EFR3B: variants seen among roughly 807,000 people sequenced by gnomAD.
EFR3B encodes the protein protein EFR3 homolog B.
EFR3B carries 64 observed loss-of-function variants against 104.7 expected under a neutral mutation model. The observed-to-expected ratio is 0.61, with a 90% confidence interval of 0.50 to 0.75. The LOEUF (loss-of-function observed/expected upper bound fraction) is 0.75. EFR3B is among the 30% of genes least tolerant of loss of function. The pLI is 0.00. For missense variants in EFR3B, 750 were observed against 1,078.5 expected (o/e 0.70, Z 4.27); for synonymous variants, 385 against 417.9 (o/e 0.92, Z 0.96).
intron 1 of EFR3B, among the ~76,000 whole-genome samples, chr2:25,078,341 A>G (rs1000718951): frequency 6.6e-6 from 1 of 152,178 alleles, no homozygotes; most frequent in African/African-American, 2.4e-5. Flanking sequence ...TTTATTGTAA[A>G]TTGTTTAAAA....
intron 6 of EFR3B, 68 bp downstream of exon 6, chr2:25,128,400 A>G (rs182460150): frequency 3.3e-5 from 51 of 1,539,356 alleles, no homozygotes; most frequent in East Asian, 2.2e-4. Flanking sequence ...TGGGAACCAC[A>G]TGGTTTGGGT....
chr2:25,086,568 C>G (rs1026947463), intron 1 of EFR3B, among the ~76,000 whole-genome samples: 1 of 152,108 alleles, frequency 6.6e-6, no homozygotes, highest in South Asian at 2.1e-4. Context: ...TCCTTTGCTG[C>G]GATGTCTATT....
At chr2:25,091,445 G>T (rs372767103) in intron 2 of EFR3B, 44 bp downstream of exon 2, 2 of 1,514,904 alleles carry the variant, frequency 1.3e-6, no homozygotes, top group Non-Finnish European at 1.8e-6. Flanking sequence ...CATGGTCCAG[G>T]CAGGGCCTCT....
At chr2:25,053,404 A>G (rs767549470) in intron 1 of EFR3B, among the ~76,000 whole-genome samples, 13 of 152,208 alleles carry the variant, frequency 8.5e-5, no homozygotes, top group Non-Finnish European at 1.5e-4. Context: ...TGGCCTGGAA[A>G]GAAAGCATGG....
At position 25,130,640 on chromosome 2, in the gene EFR3B, C is replaced by T. The variant is rs550430974; in HGVS notation, c.849+10C>T. 369 of 1,550,766 alleles carry T rather than the reference C, an allele frequency of 2.4e-4. No homozygotes were observed. Among genetic ancestry groups the T allele is most frequent in the Admixed American group, 1.1e-3 (58 of 50,992 alleles). ...CATGTACTCAATTCAGGTATGGTGG[C>T]TCCCCTGGGCCAGCCGGATCCCAGG... is the stretch of plus-strand genomic sequence containing the variant. On this transcript the variant is annotated intron_variant, in intron 8 of 22. Transcript: ENST00000403714. This position sits in a 1 kb window ranked among gnomAD's most constrained non-coding sequence, Gnocchi z 4.6.
chr2:25,106,184 A>G (rs922489284), intron 4 of EFR3B, among the ~76,000 whole-genome samples: 14 of 152,260 alleles, frequency 9.2e-5, no homozygotes, highest in Non-Finnish European at 1.8e-4. Context: ...GGAGTTCCAA[A>G]CAGGTCTTCA....
At chr2:25,044,224 A>G (rs1667654979) in intron 1 of EFR3B, among the ~76,000 whole-genome samples, 1 of 152,248 alleles carries the variant, frequency 6.6e-6, no homozygotes, top group African/African-American at 2.4e-5. Flanking sequence ...AGCAAAGGAA[A>G]GTCACACCAA....
At position 25,126,205 on chromosome 2, in the gene EFR3B, G is replaced by C. The variant is rs974084805; in HGVS notation, c.486-1978G>C. Among the ~76,000 whole-genome samples the C allele has an allele frequency of 3.9e-4, 59 of 152,114 alleles. 1 individual carries two copies. Among genetic ancestry groups the C allele is most frequent in the Non-Finnish European group, 1.5e-4 (10 of 68,022 alleles). ...CTTTCATTTCCTTTTTTGAGACAGA[G>C]TTTCACTCTTTCATCCGGGCTGGAG... On this transcript the variant is annotated intron_variant, in intron 5 of 22. Coordinates refer to ENST00000403714, the MANE Select transcript of EFR3B (RefSeq NM_014971.2).
chr2:25,103,985 T>C (rs576113963), intron 4 of EFR3B, among the ~76,000 whole-genome samples, 198 bp downstream of exon 4: 25 of 151,234 alleles, frequency 1.7e-4, no homozygotes, highest in Non-Finnish European at 3.1e-4. Context: ...AACAAATATA[T>C]AATTTATATA....
intron 1 of EFR3B, among the ~76,000 whole-genome samples, chr2:25,079,395 A>G (rs1668726360): frequency 6.6e-6 from 1 of 152,184 alleles, no homozygotes; most frequent in South Asian, 2.1e-4. Flanking sequence ...GTTTCATGGC[A>G]GAGAAGAACA....
At chr2:25,092,030 T>C (rs1669139990) in intron 2 of EFR3B, among the ~76,000 whole-genome samples, 1 of 151,862 alleles carries the variant, frequency 6.6e-6, no homozygotes, top group Non-Finnish European at 1.5e-5. Context: ...CTTCGTCCTG[T>C]GTGTGTCTTG....
chr2:25,123,239 A>G (rs1670069768), intron 5 of EFR3B, among the ~76,000 whole-genome samples: 1 of 151,880 alleles, frequency 6.6e-6, no homozygotes, highest in Non-Finnish European at 1.5e-5. Flanking sequence ...ACGTGCCTGT[A>G]TTCTCAGCTA....
chr2:25,080,440 G>A (rs1010425726), intron 1 of EFR3B, among the ~76,000 whole-genome samples: 5 of 151,690 alleles, frequency 3.3e-5, no homozygotes, highest in African/African-American at 1.2e-4. Flanking sequence ...GATTACAGGT[G>A]TCCGCCATCA....
chr2:25,143,019 G>A (rs1445166445), intron 17 of EFR3B, among the ~76,000 whole-genome samples: 12 of 151,298 alleles, frequency 7.9e-5, no homozygotes, highest in South Asian at 2.1e-4. Context: ...AGGCCGAGGC[G>A]GGCGGGTCAC....
chr2:25,149,759 G>T lies in EFR3B; in HGVS notation c.2191+17G>T. ...AAGCCATTGGTAAGTCAGGGCAAAG[G>T]GACTCTGGTTAGAGGGCAAAATGGG... On this transcript the variant is annotated intron_variant, in intron 20 of 22. Coordinates refer to ENST00000403714, the MANE Select transcript of EFR3B (RefSeq NM_014971.2). 1 of 1,551,308 alleles carries T rather than the reference G, an allele frequency of 6.4e-7. No individual in the cohort carries two copies. The highest frequency in any genetic ancestry group is 1.2e-5 in the South Asian group (1 of 84,032).
At chr2:25,103,583 G>A in intron 3 of EFR3B, 54 bp from the exon 4 acceptor site, 2 of 1,523,094 alleles carry the variant, frequency 1.3e-6, no homozygotes, top group Admixed American at 4.0e-5. Context: ...TGCCCTGGTT[G>A]GGCCATGGGG....
chr2:25,064,796 GGCTTACAAA>G (rs1278415674), intron 1 of EFR3B, among the ~76,000 whole-genome samples: 1 of 152,060 alleles, frequency 6.6e-6, no homozygotes, highest in East Asian at 1.9e-4. Context: ...GAGCTTAAAA[GGCTTACAAA>G]GCACTTCCTT....
At chr2:25,124,318 G>A (rs2149201956) in intron 5 of EFR3B, among the ~76,000 whole-genome samples, 1 of 138,778 alleles carries the variant, frequency 7.2e-6, no homozygotes, top group African/African-American at 3.2e-5. Flanking sequence ...GTGTGTGTGT[G>A]TGTGTGTGTG....
chr2:25,145,379 G>C (rs1444636232), intron 19 of EFR3B: 4 of 460,604 alleles, frequency 8.7e-6, no homozygotes, highest in Non-Finnish European at 1.5e-5. Flanking sequence ...GAGATGATCT[G>C]GGGCAATATA....
Sources: allele counts gnomAD v4.1 joint callset (sites outside exome capture counted in the v4.1 genomes callset), GRCh38; gene constraint gnomAD v4.1.1; non-coding constraint Gnocchi (gnomAD v3.1); transcripts MANE v1.5; gene names NCBI Gene and HGNC (gene_info 2026-07-23, HGNC 2026-07-21).